The following RAPGEF6 variants were observed in gnomAD, a reference collection of about 807,000 sequenced individuals.
RAPGEF6 encodes the protein Rap guanine nucleotide exchange factor 6.
Under a neutral mutation model 171.4 loss-of-function variants are expected in RAPGEF6, and 56 were observed. The observed-to-expected ratio is 0.33, with a 90% CI of 0.26 to 0.41. The LOEUF is 0.41. Among genes scored for constraint, RAPGEF6 ranks in the 10% least tolerant of loss-of-function variants. The probability of loss-of-function intolerance (pLI) is 1.00; values close to 1 mark genes in which losing one functional copy is unlikely to be tolerated. For missense variants in RAPGEF6, 1,674 were observed against 1,921.4 expected (o/e 0.87, Z 2.41); for synonymous variants, 692 against 650.1 (o/e 1.06, Z -0.98).
chr5:131,635,218 G>A lies in RAPGEF6; in HGVS notation c.-188C>T. 3.4e-6 allele frequency: 2 copies of A among 580,500 alleles called. No homozygotes were observed. Among genetic ancestry groups the A allele is most frequent in the Admixed American group, 3.3e-5 (1 of 29,998 alleles). 36.0% of individuals were successfully genotyped at this position (580,500 alleles called of 1,614,324 possible). On this transcript the variant is annotated 5_prime_UTR_variant, in exon 1 of 28. Transcript: ENST00000509018. ...GGCCTCTACCCACGCGCGACTGGCC[G>A]GAGACAAGTCTGCGCGGGGGCGGGG... is the stretch of plus-strand genomic sequence containing the variant.
At chr5:131,491,632 C>G (rs943945636) in intron 14 of RAPGEF6, among the ~76,000 whole-genome samples, 1 of 152,148 alleles carries the variant, frequency 6.6e-6, no homozygotes, top group Non-Finnish European at 1.5e-5. Context: ...TGACCTCCAC[C>G]TCCTGTTAAA....
rs146795986 is a variant in RAPGEF6 at position 131,546,904 on chromosome 5, T to C, written c.495+1143A>G. On this transcript the variant is annotated intron_variant, in intron 6 of 27. Transcript: ENST00000509018. ...ATCAAATAGTTATATAACTGTGTAA[T>C]AGGAACAATCTGTTTCTAATTTTTC... Among the ~76,000 whole-genome samples, 134 of 152,328 alleles carry C rather than the reference T, an allele frequency of 8.8e-4. No homozygotes were observed. The East Asian group carries it at 8.9e-3, about 10-fold the overall frequency.
At chr5:131,514,419 G>T (rs890350510) in intron 7 of RAPGEF6, among the ~76,000 whole-genome samples, 8 of 83,540 alleles carry the variant, frequency 9.6e-5, no homozygotes, top group Admixed American at 2.6e-4. Context: ...AATTAGGTAA[G>T]AATTTTTTTC....
chr5:131,506,713 T>C (rs967511098), intron 9 of RAPGEF6, among the ~76,000 whole-genome samples: 4 of 152,158 alleles, frequency 2.6e-5, no homozygotes, highest in African/African-American at 9.7e-5. Context: ...TATCCCCGTA[T>C]CTAGAACAGT....
At position 131,464,270 on chromosome 5, in the gene RAPGEF6, G is replaced by T; in HGVS notation, c.2251C>A (p.Gln751Lys). ...DFSNPSDIPDQVIRVFKVDQQ... is the reference protein window; with the variant it reads ...DFSNPSDIPDKVIRVFKVDQQ... ...TCCACTTTGAAAACTCTTATAACTT[G>T]ATCAGGGATATCTACATAAATAGAA... is the stretch of plus-strand genomic sequence containing the variant. Residue 751 changes from glutamine (Q) to lysine (K), a missense_variant, in exon 18 of 28, where the codon CAA (glutamine) becomes AAA (lysine). Physicochemically the swap from Gln to Lys is moderately conservative, Grantham distance 53. Coordinates refer to ENST00000509018, the MANE Select transcript of RAPGEF6 (RefSeq NM_016340.6). The T allele has an allele frequency of 6.2e-7, 1 of 1,609,896 alleles. No homozygotes were observed. Among genetic ancestry groups the T allele is most frequent in the South Asian group, 1.1e-5 (1 of 90,840 alleles).
chr5:131,430,673 G>C (rs764410977), intron 26 of RAPGEF6, 186 bp downstream of exon 26: 3 of 821,280 alleles, frequency 3.7e-6, no homozygotes, highest in Non-Finnish European at 6.3e-6. Flanking sequence ...TAATGGGGTT[G>C]AATAGCTGCT....
intron 5 of RAPGEF6, among the ~76,000 whole-genome samples, chr5:131,549,550 A>C (rs1394925424): frequency 6.6e-6 from 1 of 152,158 alleles, no homozygotes; most frequent in Non-Finnish European, 1.5e-5. Context: ...CTGCAATAAA[A>C]GTTATGTGGG....
At chr5:131,537,429 C>T (rs970344173) in intron 6 of RAPGEF6, among the ~76,000 whole-genome samples, 16 of 152,118 alleles carry the variant, frequency 1.1e-4, no homozygotes, top group Non-Finnish European at 2.9e-5. Flanking sequence ...CATGTAGAAA[C>T]TTAAAATAAT....
chr5:131,610,368 G>T (rs572428515), intron 1 of RAPGEF6, among the ~76,000 whole-genome samples: 1 of 151,110 alleles, frequency 6.6e-6, no homozygotes. Flanking sequence ...AAACACCAGG[G>T]CCCAAGAATC....
rs1342949573 is a variant in RAPGEF6 at position 131,489,665 on chromosome 5, T to C, written c.1732-11A>G. On this transcript the variant is annotated splice_polypyrimidine_tract_variant and intron_variant, in intron 14 of 27. Transcript: ENST00000509018. ...ATTTACTTCCATAATCTTAAAAGTATTTAAAAAATACAAATTAATACAGAA... is the reference window on the plus strand; with the variant it reads ...ATTTACTTCCATAATCTTAAAAGTACTTAAAAAATACAAATTAATACAGAA... The C allele has an allele frequency of 7.0e-7, 1 of 1,431,394 alleles. No homozygotes were observed. Among genetic ancestry groups the C allele is most frequent in the Non-Finnish European group, 9.6e-7 (1 of 1,037,770 alleles). The allele number at this position is 1,431,394 out of a possible 1,614,324, so 88.7% of individuals were successfully genotyped here.
chr5:131,498,590 G>A lies in RAPGEF6; in HGVS notation c.1272C>T (p.Leu424=), dbSNP rs1415421302. The part of the protein sequence containing the change: ...HIVIKATPER[L]IMHLIEEHSI... ...AATGTTCTTCTATTAAATGCATTAT[G>A]AGACGCTCAGGTGTTGCCTAAAAAT... The change falls in exon 12 of 28, where the codon CTC becomes CTT. Residue 424 remains leucine, a synonymous_variant. Transcript: ENST00000509018. 1 of 1,613,462 alleles carries A rather than the reference G, an allele frequency of 6.2e-7. No homozygotes were observed. The highest frequency in any genetic ancestry group is 1.1e-5 in the South Asian group (1 of 90,848).
At chr5:131,633,777 T>C (rs1166170286) in intron 1 of RAPGEF6, among the ~76,000 whole-genome samples, 2 of 152,180 alleles carry the variant, frequency 1.3e-5, no homozygotes, top group Admixed American at 6.5e-5. Flanking sequence ...AAACCTGCAA[T>C]ACACATCGTA....
chr5:131,468,008 G>A (rs1440638835), intron 17 of RAPGEF6, among the ~76,000 whole-genome samples: 2 of 151,878 alleles, frequency 1.3e-5, no homozygotes, highest in Non-Finnish European at 2.9e-5. Context: ...TCCAGCCTGG[G>A]TGACAGAGTG....
chr5:131,624,116 G>C (rs1323964325), intron 1 of RAPGEF6, among the ~76,000 whole-genome samples: 2 of 152,150 alleles, frequency 1.3e-5, no homozygotes, highest in African/African-American at 2.4e-5. Context: ...CTAATATGTA[G>C]GCTATCATTT....
intron 15 of RAPGEF6, among the ~76,000 whole-genome samples, chr5:131,481,275 G>A (rs897475006): frequency 5.3e-5 from 8 of 151,408 alleles, no homozygotes; most frequent in African/African-American, 1.9e-4. Flanking sequence ...GCCCAGGCTG[G>A]AGTTCAGTGG....
At chr5:131,535,149 T>C (rs1411455836) in intron 6 of RAPGEF6, among the ~76,000 whole-genome samples, 1 of 152,150 alleles carries the variant, frequency 6.6e-6, no homozygotes, top group Non-Finnish European at 1.5e-5. Flanking sequence ...GACATCATCC[T>C]TTTCCTTTTC....
At chr5:131,549,934 T>C (rs1235532449) in intron 5 of RAPGEF6, among the ~76,000 whole-genome samples, 3 of 152,286 alleles carry the variant, frequency 2.0e-5, no homozygotes, top group Non-Finnish European at 2.9e-5. Flanking sequence ...GTTCTCATCA[T>C]TTAGCTCCTC....
intron 22 of RAPGEF6, among the ~76,000 whole-genome samples, chr5:131,443,636 A>AT (rs1752516703): frequency 6.6e-6 from 1 of 152,174 alleles, no homozygotes; most frequent in Admixed American, 6.5e-5. Context: ...AACAAGGCCT[A>AT]TATGACCCTG....
intron 4 of RAPGEF6, among the ~76,000 whole-genome samples, chr5:131,580,485 G>T (rs1489053714): frequency 1.3e-5 from 2 of 152,154 alleles, no homozygotes; most frequent in Non-Finnish European, 2.9e-5. Flanking sequence ...GGCTCCCACA[G>T]TGCAGCGGCG....
Sources: allele counts gnomAD v4.1 joint callset (sites outside exome capture counted in the v4.1 genomes callset), GRCh38; gene constraint gnomAD v4.1.1; transcripts MANE v1.5; gene names NCBI Gene and HGNC (gene_info 2026-07-23, HGNC 2026-07-21).